Variants in PTPRD observed in about 807,000 individuals in gnomAD.
PTPRD encodes the protein protein tyrosine phosphatase receptor type D, also known as receptor-type tyrosine-protein phosphatase delta.
A neutral mutation model predicts 214.5 loss-of-function variants in PTPRD; 34 were observed. That is an observed-to-expected ratio of 0.16 (90% confidence interval 0.12 to 0.21). The LOEUF is 0.21. PTPRD is among the 10% of genes least tolerant of loss of function. PTPRD has a pLI of 1.00. For synonymous variants in PTPRD, 1,128 were observed against 845.7 expected (o/e 1.33, Z -5.79); for missense variants, 2,545 against 2,398.7 (o/e 1.06, Z -1.27).
intron 14 of PTPRD, among the ~76,000 whole-genome samples, chr9:8,610,209 A>G (rs1008837400): frequency 2.6e-5 from 4 of 152,218 alleles, no homozygotes; most frequent in African/African-American, 9.7e-5. Flanking sequence ...CAGTGCACCC[A>G]TCTATTTCAA....
intron 12 of PTPRD, among the ~76,000 whole-genome samples, chr9:8,665,469 T>C (rs2097151865): frequency 6.6e-6 from 1 of 152,208 alleles, no homozygotes; most frequent in Admixed American, 6.5e-5. Context: ...AGCTGATCCT[T>C]TGAACAGCTA....
intron 4 of PTPRD, among the ~76,000 whole-genome samples, chr9:9,972,156 T>C (rs907813932): frequency 1.4e-4 from 22 of 152,206 alleles, no homozygotes; most frequent in African/African-American, 4.3e-4. Flanking sequence ...AAACATGACT[T>C]TGAATTATGT....
At chr9:10,589,464 A>G (rs1430633505) in intron 2 of PTPRD, among the ~76,000 whole-genome samples, 1 of 152,060 alleles carries the variant, frequency 6.6e-6, no homozygotes, top group Non-Finnish European at 1.5e-5. Context: ...CTTATAAGTA[A>G]AACTGAAGAA....
intron 11 of PTPRD, among the ~76,000 whole-genome samples, chr9:8,925,274 T>C (rs1219827295): frequency 6.6e-6 from 1 of 152,098 alleles, no homozygotes; most frequent in Non-Finnish European, 1.5e-5. Flanking sequence ...GTCACCTTCC[T>C]ACATTAAAGG....
chr9:9,781,422 A>G lies in PTPRD; in HGVS notation c.-367-14571T>C, dbSNP rs150219207. Among the ~76,000 whole-genome samples, 18 of 152,324 alleles carry G rather than the reference A, an allele frequency of 1.2e-4. No homozygotes were observed. The East Asian group carries it at 3.5e-3, about 29-fold the overall frequency. On this transcript the variant is annotated intron_variant, in intron 5 of 45. Coordinates refer to ENST00000381196, the MANE Select transcript of PTPRD (RefSeq NM_002839.4). ...AAAATGCTCAAGTTAAATGCTATGTAATGGGAAAAAAAGAAAGACAACGGT... is the reference window on the plus strand; with the variant it reads ...AAAATGCTCAAGTTAAATGCTATGTGATGGGAAAAAAAGAAAGACAACGGT...
rs184561634 is a variant in PTPRD at position 10,185,712 on chromosome 9, G to T, written c.-544-151922C>A. 1.9e-3 allele frequency among the ~76,000 whole-genome samples: 295 copies of T among 151,940 alleles called. 3 individuals are homozygous for T. In the South Asian group the frequency reaches 0.03, roughly 15 times the overall value. Reference sequence around the variant, plus strand: ...CTGTATTGCAGATTATAATTAATGTGTTAACATACATTCACTGTAGAACCA... The same window carrying T: ...CTGTATTGCAGATTATAATTAATGTTTTAACATACATTCACTGTAGAACCA... On this transcript the variant is annotated intron_variant, in intron 3 of 45. Transcript: ENST00000381196.
chr9:8,854,640 C>T (rs1047851802), intron 11 of PTPRD, among the ~76,000 whole-genome samples: 1 of 152,100 alleles, frequency 6.6e-6, no homozygotes, highest in African/African-American at 2.4e-5. Context: ...CATGGCTGGT[C>T]GATTTCAAAT....
chr9:8,846,334 C>T (rs550245935), intron 11 of PTPRD, among the ~76,000 whole-genome samples: 3 of 152,188 alleles, frequency 2.0e-5, no homozygotes, highest in South Asian at 2.1e-4. Flanking sequence ...CGATAACATC[C>T]CAATATTACT....
chr9:10,308,284 T>A (rs953191729), intron 3 of PTPRD, among the ~76,000 whole-genome samples: 5 of 152,124 alleles, frequency 3.3e-5, no homozygotes, highest in Non-Finnish European at 7.4e-5. Flanking sequence ...TGCATATGGA[T>A]GTCCAATGTT....
At chr9:9,657,476 A>G (rs1304329066) in intron 7 of PTPRD, among the ~76,000 whole-genome samples, 2 of 152,172 alleles carry the variant, frequency 1.3e-5, no homozygotes, top group Admixed American at 1.3e-4. Context: ...GGGGTGGGAT[A>G]GCATTAGGAG....
intron 14 of PTPRD, among the ~76,000 whole-genome samples, chr9:8,629,941 A>T (rs2096196159): frequency 6.6e-6 from 1 of 151,780 alleles, no homozygotes; most frequent in African/African-American, 2.4e-5. Context: ...ACAAGCTACG[A>T]AGGGAAACTT....
intron 10 of PTPRD, among the ~76,000 whole-genome samples, chr9:9,084,183 A>C (rs1409293383): frequency 1.3e-5 from 2 of 152,228 alleles, no homozygotes; most frequent in Admixed American, 6.5e-5. Flanking sequence ...CTGGATAAAG[A>C]AAATGTGGCA....
intron 7 of PTPRD, among the ~76,000 whole-genome samples, chr9:9,694,465 C>A (rs1479285692): frequency 6.6e-6 from 1 of 152,002 alleles, no homozygotes; most frequent in Non-Finnish European, 1.5e-5. Context: ...TTGATGCAAG[C>A]TCCTTTGTGG....
intron 7 of PTPRD, among the ~76,000 whole-genome samples, chr9:9,616,258 C>G (rs998169293): frequency 6.6e-6 from 1 of 151,954 alleles, no homozygotes; most frequent in African/African-American, 2.4e-5. Flanking sequence ...TACAGTGACA[C>G]CCCCCAAAAT....
At chr9:8,800,082 T>C (rs919818917) in intron 11 of PTPRD, among the ~76,000 whole-genome samples, 14 of 151,896 alleles carry the variant, frequency 9.2e-5, no homozygotes, top group Non-Finnish European at 1.8e-4. Flanking sequence ...TTGTCAAGGC[T>C]CCAAAGGTGT....
In PTPRD at chr9:8,634,274, G is replaced by A. The variant is rs2096356167; in HGVS notation, c.211-816C>T. The stretch of plus-strand genomic sequence containing the variant: ...AAAAGATGATGATATTAACAAATAT[G>A]TATACAATATTATGGAGTCCTCTGT... On this transcript the variant is annotated intron_variant, in intron 13 of 45. Transcript: ENST00000381196. 3.3e-5 allele frequency among the ~76,000 whole-genome samples: 5 copies of A among 151,730 alleles called. No homozygotes were observed. In the South Asian group the frequency reaches 8.3e-4, roughly 25 times the overall value.
chr9:10,055,839 T>C (rs1016033712), intron 3 of PTPRD, among the ~76,000 whole-genome samples: 24 of 151,134 alleles, frequency 1.6e-4, no homozygotes, highest in African/African-American at 4.1e-4. Context: ...TTATACATTA[T>C]GTATATACAA....
At chr9:9,376,192 A>T (rs904917849) in intron 9 of PTPRD, among the ~76,000 whole-genome samples, 2 of 152,124 alleles carry the variant, frequency 1.3e-5, no homozygotes, top group African/African-American at 4.8e-5. Flanking sequence ...GCTTGAAAAA[A>T]GTCTTCATTC....
intron 7 of PTPRD, among the ~76,000 whole-genome samples, chr9:9,670,721 G>A (rs775513879): frequency 6.6e-6 from 1 of 152,196 alleles, no homozygotes; most frequent in African/African-American, 2.4e-5. Context: ...TTCAGAGGTT[G>A]CAGGCCTCAA....
Sources: allele counts gnomAD v4.1 joint callset (sites outside exome capture counted in the v4.1 genomes callset), GRCh38; gene constraint gnomAD v4.1.1; transcripts MANE v1.5; gene names NCBI Gene and HGNC (gene_info 2026-07-23, HGNC 2026-07-21).